PROSER2: variants seen among roughly 807,000 people sequenced by gnomAD.
The protein encoded by PROSER2 is proline and serine rich 2.
A neutral mutation model predicts 14.6 loss-of-function variants in PROSER2; 18 were observed. The observed-to-expected ratio is 1.23, with a 90% confidence interval of 0.85 to 1.83. The LOEUF (loss-of-function observed/expected upper bound fraction) is 1.83, where lower values mean the gene tolerates loss of function less well. Among genes scored for constraint, PROSER2 ranks in the 40% most tolerant of loss-of-function variants. PROSER2 has a pLI of 0.00. For synonymous variants in PROSER2, 367 were observed against 286.4 expected (o/e 1.28, Z -2.84); for missense variants, 823 against 629.8 (o/e 1.31, Z -3.28).
intron 1 of PROSER2, among the ~76,000 whole-genome samples, chr10:11,840,315 C>G (rs1833819019): frequency 6.6e-6 from 1 of 151,504 alleles, no homozygotes; most frequent in Admixed American, 6.6e-5. Flanking sequence ...AAAAATTCCT[C>G]CTAATTTGTG....
Position 11,869,667 on chromosome 10 carries a change from C to T in PROSER2, c.569C>T (p.Ser190Phe), listed in dbSNP as rs757000723. Residue 190 changes from serine (S) to phenylalanine (F), a missense_variant, in exon 4 of 4, where the codon TCT becomes TTT. By Grantham distance (155) the Ser-to-Phe change is radical (BLOSUM62 -2). Coordinates refer to ENST00000277570, the MANE Select transcript of PROSER2 (RefSeq NM_153256.4). This position sits in a 1 kb window ranked among gnomAD's most constrained non-coding sequence, Gnocchi z 4.4. Reference protein sequence around the residue: ...PPVEHPRLLRSVPTPLVMAQK... With the variant: ...PPVEHPRLLRFVPTPLVMAQK... ...GTGGAGCACCCCAGACTCCTGCGCT[C>T]TGTTCCCACGCCCCTCGTTATGGCG... 25 of 1,600,826 alleles carry T rather than the reference C, an allele frequency of 1.6e-5. No homozygotes were observed. Among genetic ancestry groups the T allele is most frequent in the Admixed American group, 1.2e-4 (7 of 58,616 alleles).
intron 1 of PROSER2, among the ~76,000 whole-genome samples, chr10:11,833,432 G>T (rs111589468): frequency 6.6e-6 from 1 of 151,212 alleles, no homozygotes; most frequent in South Asian, 2.1e-4. Flanking sequence ...GGCTCACACC[G>T]GTAATCCCAG....
rs1225920858 is a variant in PROSER2 at position 11,869,858 on chromosome 10, C to T, written c.760C>T (p.Pro254Ser). ...HPAQPKAPRF[P>S]SNIIVTNGAA... ...GGCGCAGCCCAAGGCACCCCGCTTCCCCAGCAACATCATCGTCACCAACGG... is the reference window on the plus strand; with the variant it reads ...GGCGCAGCCCAAGGCACCCCGCTTCTCCAGCAACATCATCGTCACCAACGG... Residue 254 changes from proline (P) to serine (S), a missense_variant, in exon 4 of 4, where the codon CCC becomes TCC. Physicochemically the swap from Pro to Ser is moderately conservative, Grantham distance 74 (BLOSUM62 -1). Coordinates refer to ENST00000277570, the MANE Select transcript of PROSER2 (RefSeq NM_153256.4). This position sits in a 1 kb window ranked among gnomAD's most constrained non-coding sequence, Gnocchi z 4.4. 2 of 1,593,214 alleles carry T rather than the reference C, an allele frequency of 1.3e-6. No individual in the cohort carries two copies. Among genetic ancestry groups the T allele is most frequent in the East Asian group, 2.3e-5 (1 of 44,110 alleles).
In PROSER2 at chr10:11,849,102, G is replaced by T. The variant is rs546839494; in HGVS notation, c.-81-2895G>T. 1.8e-4 allele frequency among the ~76,000 whole-genome samples: 27 copies of T among 149,914 alleles called. No individual in the cohort carries two copies. In the East Asian group the frequency reaches 4.4e-3, roughly 25 times the overall value. ...CTTGGGAGGCTGAGGCAGGAGAATCGCTTGAACCCAGGAGGCGGAGGTTGC... is the reference window on the plus strand; with the variant it reads ...CTTGGGAGGCTGAGGCAGGAGAATCTCTTGAACCCAGGAGGCGGAGGTTGC... On this transcript the variant is annotated intron_variant, in intron 1 of 3. Transcript: ENST00000277570.
chr10:11,839,404 A>G (rs112704150), intron 1 of PROSER2, among the ~76,000 whole-genome samples: 11 of 152,364 alleles, frequency 7.2e-5, no homozygotes, highest in African/African-American at 2.6e-4. Context: ...AGGTCATATT[A>G]CAAATTTTAA....
In PROSER2 at chr10:11,870,488, G is replaced by A. The variant is rs1288175914; in HGVS notation, c.*82G>A. 2 of 1,212,320 alleles carry A rather than the reference G, an allele frequency of 1.6e-6. No homozygotes were observed. The highest frequency in any genetic ancestry group is 2.2e-6 in the Non-Finnish European group (2 of 915,318). 75.1% of individuals were successfully genotyped at this position (1,212,320 alleles called of 1,614,324 possible). A position where few individuals can be genotyped will look rare whatever the true frequency, so the allele number is the denominator to read the frequency against. ...GAGTCGCTGCACCCAGGAGCTGTTT[G>A]GTCTAAAATGGAAGTGACAGCGGGA... On this transcript the variant is annotated 3_prime_UTR_variant, in exon 4 of 4. Coordinates refer to ENST00000277570, the MANE Select transcript of PROSER2 (RefSeq NM_153256.4).
chr10:11,834,442 C>T (rs1833730554), intron 1 of PROSER2, among the ~76,000 whole-genome samples: 1 of 151,864 alleles, frequency 6.6e-6, no homozygotes, highest in African/African-American at 2.4e-5. Flanking sequence ...AAAATGAAAA[C>T]TCAGCCACCT....
intron 1 of PROSER2, among the ~76,000 whole-genome samples, chr10:11,824,577 C>T (rs1833585118): frequency 6.6e-6 from 1 of 152,146 alleles, no homozygotes; most frequent in African/African-American, 2.4e-5. Flanking sequence ...TGTGGAAATA[C>T]AAACAAATGC....
At position 11,862,340 on chromosome 10, in the gene PROSER2, CAGACTT is replaced by C. The variant is rs1834261172; in HGVS notation, c.139-4189_139-4184del. 6.6e-6 allele frequency among the ~76,000 whole-genome samples: 1 copy of C among 152,158 alleles called. No individual in the cohort carries two copies. The highest frequency in any genetic ancestry group is 2.4e-5 in the African/African-American group (1 of 41,434). ...ATAAAAAAGGACTAAGAAAGCTAAA[CAGACTT>C]AAGGAAGACTTTAAGAACTCCAACA... On this transcript the variant is annotated intron_variant, in intron 2 of 3. Transcript: ENST00000277570. This position sits in a 1 kb window ranked among gnomAD's most constrained non-coding sequence, Gnocchi z 4.2.
rs1218174160 is a variant in PROSER2 at position 11,869,897 on chromosome 10, C to A, written c.799C>A (p.Pro267Thr). The part of the protein sequence containing the change: ...IIVTNGAARE[P>T]RRTLSRAAVS... ...CGTCACCAACGGCGCGGCCCGGGAG[C>A]CCCGCAGGACCCTGTCCAGGGCGGC... Residue 267 changes from proline to threonine, a missense_variant, in exon 4 of 4, where the codon CCC becomes ACC. By Grantham distance (38) the Pro-to-Thr change is conservative. Coordinates refer to ENST00000277570, the MANE Select transcript of PROSER2 (RefSeq NM_153256.4). This position sits in a 1 kb window ranked among gnomAD's most constrained non-coding sequence, Gnocchi z 4.4. The A allele has an allele frequency of 6.3e-7, 1 of 1,586,810 alleles. No individual in the cohort carries two copies. The highest frequency in any genetic ancestry group is 8.6e-7 in the Non-Finnish European group (1 of 1,169,404).
At chr10:11,835,577 T>A (rs1435963651) in intron 1 of PROSER2, among the ~76,000 whole-genome samples, 1 of 152,222 alleles carries the variant, frequency 6.6e-6, no homozygotes, top group Non-Finnish European at 1.5e-5. Context: ...TTTAAAAAAC[T>A]CTACAAGAGT....
In PROSER2 at chr10:11,871,952, T is replaced by C. The variant is rs1310294456; in HGVS notation, c.*1546T>C. 6.6e-6 allele frequency: 1 copy of C among 152,266 alleles called. No individual in the cohort carries two copies. Among genetic ancestry groups the C allele is most frequent in the African/African-American group, 2.4e-5 (1 of 41,476 alleles). The allele number at this position is 152,266 out of a possible 1,614,324, so 9.4% of individuals were successfully genotyped here. On this transcript the variant is annotated 3_prime_UTR_variant, in exon 4 of 4. Transcript: ENST00000277570. ...CCAGCTCTTATGAATAATAACCTCA[T>C]AGATTCCTGATCTTAATTTAAATAG...
rs1385294629 is a variant in PROSER2 at position 11,870,277 on chromosome 10, G to C, written c.1179G>C (p.Gln393His). 1.4e-5 allele frequency: 21 copies of C among 1,492,588 alleles called. No individual in the cohort carries two copies. The highest frequency in any genetic ancestry group is 2.3e-4 in the Middle Eastern group (1 of 4,394). 92.5% of individuals were successfully genotyped at this position (1,492,588 alleles called of 1,614,324 possible). ...GGCCCCGGCAGCCCAACGGCGCCCAGGACTGGCGCCGCGCAGACTCCCTGC... is the reference window on the plus strand; with the variant it reads ...GGCCCCGGCAGCCCAACGGCGCCCACGACTGGCGCCGCGCAGACTCCCTGC... ...FPGPRQPNGAQDWRRADSLPR... is the reference protein window; with the variant it reads ...FPGPRQPNGAHDWRRADSLPR... Residue 393 changes from glutamine to histidine, a missense_variant, in exon 4 of 4, where the codon CAG (glutamine) becomes CAC (histidine). Transcript: ENST00000277570.
rs910202419 is a variant in PROSER2 at position 11,866,855 on chromosome 10, G to C, written c.391+72G>C. 1 of 1,503,632 alleles carries C rather than the reference G, an allele frequency of 6.7e-7. No individual in the cohort carries two copies. The highest frequency in any genetic ancestry group is 1.4e-5 in the African/African-American group (1 of 72,170). 93.1% of individuals were successfully genotyped at this position (1,503,632 alleles called of 1,614,324 possible). On this transcript the variant is annotated intron_variant, in intron 3 of 3. Transcript: ENST00000277570. The surrounding 1 kb of genome is among the most constrained non-coding windows in gnomAD (Gnocchi z 6.0). ...TGTGAGACCCAGAGATACTTCTTTT[G>C]TGTTCCCCTGTGTTTGCCAGTAGAA...
intron 2 of PROSER2, among the ~76,000 whole-genome samples, chr10:11,855,473 C>CAAAAAA: frequency 9.7e-6 from 1 of 102,656 alleles, no homozygotes; most frequent in Non-Finnish European, 2.0e-5. Flanking sequence ...GACTCCATCT[C>CAAAAAA]AAAAAAAAAA....
At chr10:11,863,824 TGATA>T (rs76080948) in intron 2 of PROSER2, among the ~76,000 whole-genome samples, 14,844 of 152,252 alleles carry the variant, frequency 0.097, 869 homozygotes, top group Non-Finnish European at 0.13. Context: ...TGTGCACAGA[TGATA>T]GATAAATGCT....
At chr10:11,831,549 T>C (rs1833689409) in intron 1 of PROSER2, 1 of 152,200 alleles carries the variant, frequency 6.6e-6, no homozygotes, top group Non-Finnish European at 1.5e-5. Flanking sequence ...TCAATTTTCA[T>C]TATTTTCCAA....
At chr10:11,840,974 ATATATATATATATATATG>A (rs1564304116) in intron 1 of PROSER2, among the ~76,000 whole-genome samples, 1 of 94,528 alleles carries the variant, frequency 1.1e-5, no homozygotes, top group African/African-American at 4.8e-5. Flanking sequence ...ATATATATAT[ATATATATATATATATATG>A]ATGGTGGGGG....
Position 11,836,966 on chromosome 10 carries a change from C to T in PROSER2, c.-82+13496C>T, listed in dbSNP as rs1412599164. On this transcript the variant is annotated intron_variant, in intron 1 of 3. Coordinates refer to ENST00000277570, the MANE Select transcript of PROSER2 (RefSeq NM_153256.4). This position sits in a 1 kb window ranked among gnomAD's most constrained non-coding sequence, Gnocchi z 4.6. Reference sequence around the variant, plus strand: ...GAGTAGTGGGATGAAATGCGTCGTTCTGATCCATTGCCTCCTGCATGCGAA... The same window carrying T: ...GAGTAGTGGGATGAAATGCGTCGTTTTGATCCATTGCCTCCTGCATGCGAA... Among the ~76,000 whole-genome samples the T allele has an allele frequency of 6.6e-6, 1 of 152,206 alleles. No individual in the cohort carries two copies. Among genetic ancestry groups the T allele is most frequent in the Non-Finnish European group, 1.5e-5 (1 of 68,044 alleles).
Sources: gnomAD v4.1 joint callset for allele counts (sites outside exome capture counted in the v4.1 genomes callset) on GRCh38, gnomAD v4.1.1 for gene constraint, Gnocchi (gnomAD v3.1) non-coding constraint, MANE v1.5 for transcripts, NCBI Gene and HGNC (gene_info 2026-07-23, HGNC 2026-07-21) for gene names.